GRM7: variants seen among roughly 807,000 people sequenced by gnomAD.
GRM7 encodes the protein glutamate metabotropic receptor 7.
A neutral mutation model predicts 84.5 loss-of-function variants in GRM7; 35 were observed. The observed-to-expected ratio is 0.41, with a 90% CI of 0.32 to 0.55. The LOEUF (loss-of-function observed/expected upper bound fraction) is 0.55, where lower values mean the gene tolerates loss of function less well. Ranked by LOEUF, GRM7 falls within the 20% of genes least tolerant of loss-of-function variation. GRM7 has a pLI of 0.19. For missense variants in GRM7, 1,003 were observed against 1,194.6 expected, an observed-to-expected ratio of 0.84 and a Z score of 2.36; for synonymous variants, 487 against 455.1, an observed-to-expected ratio of 1.07 and a Z score of -0.89.
intron 2 of GRM7, among the ~76,000 whole-genome samples, chr3:7,168,659 A>T (rs1209121609): frequency 6.6e-6 from 1 of 152,178 alleles, no homozygotes; most frequent in Non-Finnish European, 1.5e-5. Context: ...ACCCCATTCA[A>T]ATATATTCCT....
At chr3:6,956,505 G>C (rs1693055276) in intron 1 of GRM7, 2 of 451,804 alleles carry the variant, frequency 4.4e-6, no homozygotes, top group Admixed American at 4.8e-5. Flanking sequence ...ATTATTGTAT[G>C]AGAAGAAAAC....
intron 1 of GRM7, among the ~76,000 whole-genome samples, chr3:7,130,022 C>T (rs1026343009): frequency 2.0e-5 from 3 of 152,114 alleles, no homozygotes; most frequent in Non-Finnish European, 4.4e-5. Flanking sequence ...AATTGTTTCT[C>T]ATTAACTCTA....
chr3:7,145,045 A>G (rs1694066803), intron 1 of GRM7, among the ~76,000 whole-genome samples: 1 of 152,216 alleles, frequency 6.6e-6, no homozygotes, highest in African/African-American at 2.4e-5. Flanking sequence ...GGCGATAACT[A>G]GCCTTAAACT....
At chr3:7,119,664 C>A (rs1379269796) in intron 1 of GRM7, among the ~76,000 whole-genome samples, 2 of 152,032 alleles carry the variant, frequency 1.3e-5, no homozygotes, top group South Asian at 2.1e-4. Flanking sequence ...TCACGTTAGG[C>A]CAAATCCTGT....
At chr3:7,076,247 C>T (rs1698072007) in intron 1 of GRM7, among the ~76,000 whole-genome samples, 1 of 152,002 alleles carries the variant, frequency 6.6e-6, no homozygotes, top group Admixed American at 6.6e-5. Flanking sequence ...AATAGTAGTT[C>T]CATTGTTTTC....
chr3:7,645,591 T>C (rs567014268), intron 8 of GRM7, among the ~76,000 whole-genome samples: 49 of 148,434 alleles, frequency 3.3e-4, no homozygotes, highest in African/African-American at 1.1e-3. Context: ...AAAGCCTACA[T>C]TCCCTATCTC....
chr3:6,972,915 A>T (rs1693815956), intron 1 of GRM7, among the ~76,000 whole-genome samples: 1 of 152,248 alleles, frequency 6.6e-6, no homozygotes, highest in Non-Finnish European at 1.5e-5. Context: ...TCTCAGTGGC[A>T]CATTTCTGTG....
chr3:7,225,455 A>G (rs1373728196), intron 2 of GRM7, among the ~76,000 whole-genome samples: 1 of 147,754 alleles, frequency 6.8e-6, no homozygotes, highest in Non-Finnish European at 1.5e-5. Flanking sequence ...TTGATATATT[A>G]AAGAAATTAT....
intron 7 of GRM7, among the ~76,000 whole-genome samples, chr3:7,503,153 A>G (rs1699934281): frequency 6.6e-6 from 1 of 152,200 alleles, no homozygotes. Context: ...CCCAGCAGCA[A>G]GAAAATCCCC....
chr3:7,083,967 GA>G, intron 1 of GRM7, among the ~76,000 whole-genome samples: 1 of 152,150 alleles, frequency 6.6e-6, no homozygotes, highest in African/African-American at 2.4e-5. Flanking sequence ...TGTAGCTGGG[GA>G]AAAATGAGAA....
intron 1 of GRM7, among the ~76,000 whole-genome samples, chr3:6,907,576 T>C (rs1487068070): frequency 6.6e-6 from 1 of 152,182 alleles, no homozygotes; most frequent in African/African-American, 2.4e-5. Flanking sequence ...AATCATGAAG[T>C]GATCTCTACT....
At position 7,151,914 on chromosome 3, in the gene GRM7, GT is replaced by G. The variant is rs143503999; in HGVS notation, c.736+5256del. On this transcript the variant is annotated intron_variant, in intron 2 of 9. Transcript: ENST00000357716. The surrounding 1 kb of genome is among the most constrained non-coding windows in gnomAD (Gnocchi z 4.5). ...AATACCACCATCTATATTGAATTCT[GT>G]TTTTTTTTTCTTTCTGTCTATGTCA... Among the ~76,000 whole-genome samples, 40,592 of 148,504 alleles carry G rather than the reference GT, an allele frequency of 0.27. 6,746 individuals are homozygous for G. The highest frequency in any genetic ancestry group is 0.49 in the African/African-American group (19,839 of 40,712).
intron 1 of GRM7, among the ~76,000 whole-genome samples, chr3:7,128,910 A>T (rs781274831): frequency 6.6e-6 from 1 of 152,142 alleles, no homozygotes; most frequent in Non-Finnish European, 1.5e-5. Context: ...TCAATAAACT[A>T]TCATAAAGTT....
chr3:7,055,693 G>T (rs1463460441), intron 1 of GRM7, among the ~76,000 whole-genome samples: 5 of 151,642 alleles, frequency 3.3e-5, no homozygotes, highest in Non-Finnish European at 7.4e-5. Context: ...GCAACTTTTT[G>T]TATTTCTAGT....
intron 1 of GRM7, among the ~76,000 whole-genome samples, chr3:7,128,686 T>G (rs1397489642): frequency 1.1e-5 from 1 of 91,262 alleles, no homozygotes; most frequent in Non-Finnish European, 2.6e-5. Context: ...TTTTCATATT[T>G]TAGTACAGAT....
At chr3:7,693,959 T>C (rs1357389398) in intron 9 of GRM7, among the ~76,000 whole-genome samples, 1 of 152,160 alleles carries the variant, frequency 6.6e-6, no homozygotes, top group Non-Finnish European at 1.5e-5. Context: ...AAGAGATCCC[T>C]ACTGTGATCT....
At chr3:7,433,468 A>G (rs942151534) in intron 5 of GRM7, among the ~76,000 whole-genome samples, 26 of 152,196 alleles carry the variant, frequency 1.7e-4, no homozygotes, top group African/African-American at 6.3e-4. Flanking sequence ...CTGAGTCTTC[A>G]GTAAGCTATC....
chr3:7,194,421 T>C (rs1003036543), intron 2 of GRM7, among the ~76,000 whole-genome samples: 2 of 152,180 alleles, frequency 1.3e-5, no homozygotes, highest in African/African-American at 4.8e-5. Context: ...AATGATACTA[T>C]GATTGTTGTT....
At chr3:7,197,481 C>T (rs986762510) in intron 2 of GRM7, among the ~76,000 whole-genome samples, 2 of 152,072 alleles carry the variant, frequency 1.3e-5, no homozygotes, top group South Asian at 2.1e-4. Flanking sequence ...AAGCTGTGAT[C>T]ACTGGATTCA....
Sources: allele counts gnomAD v4.1 joint callset (sites outside exome capture counted in the v4.1 genomes callset), GRCh38; gene constraint gnomAD v4.1.1; non-coding constraint Gnocchi (gnomAD v3.1); transcripts MANE v1.5; gene names NCBI Gene and HGNC (gene_info 2026-07-23, HGNC 2026-07-21).